Variants in ZNF423 observed in about 807,000 individuals in gnomAD.
ZNF423 encodes Ebf-associated zinc finger protein.
In ZNF423, 12 loss-of-function variants were observed where a neutral mutation model predicts 95.8. The ratio of observed to expected loss-of-function variants is 0.13; its 90% CI spans 0.08 to 0.20. ZNF423 has a LOEUF of 0.20. Among genes scored for constraint, ZNF423 ranks in the 10% least tolerant of loss-of-function variants. The probability of loss-of-function intolerance (pLI) is 1.00; values close to 1 mark genes in which losing one functional copy is unlikely to be tolerated. For missense variants in ZNF423, 1,316 were observed against 1,737.1 expected (o/e 0.76, Z 4.31); for synonymous variants, 749 against 711.9 (o/e 1.05, Z -0.83).
intron 1 of ZNF423, among the ~76,000 whole-genome samples, chr16:49,814,141 C>T (rs1184212272): frequency 6.6e-6 from 1 of 152,134 alleles, no homozygotes; most frequent in Non-Finnish European, 1.5e-5. Flanking sequence ...GCCGGGGCTT[C>T]GGAGACAGAA....
chr16:49,799,066 G>A (rs778234105), intron 1 of ZNF423, among the ~76,000 whole-genome samples: 3 of 152,176 alleles, frequency 2.0e-5, no homozygotes, highest in Non-Finnish European at 2.9e-5. Flanking sequence ...AAATGTAGGG[G>A]TGTGGGAAGT....
At chr16:49,522,375 C>T (rs1968435648) in intron 7 of ZNF423, among the ~76,000 whole-genome samples, 1 of 152,166 alleles carries the variant, frequency 6.6e-6, no homozygotes, top group South Asian at 2.1e-4. Context: ...CCTCCCTCTT[C>T]TCCCTGCCTC....
chr16:49,840,553 A>G (rs1217980583), intron 1 of ZNF423, among the ~76,000 whole-genome samples: 2 of 152,230 alleles, frequency 1.3e-5, no homozygotes, highest in East Asian at 3.8e-4. Context: ...TCTACCACCC[A>G]CTAGTATGTT....
At chr16:49,596,389 A>G (rs1046157059) in intron 5 of ZNF423, among the ~76,000 whole-genome samples, 4 of 152,180 alleles carry the variant, frequency 2.6e-5, no homozygotes, top group Admixed American at 6.5e-5. Flanking sequence ...AACAGCCCGC[A>G]GCTTCCTTCC....
chr16:49,680,227 T>C (rs977991424), intron 3 of ZNF423, among the ~76,000 whole-genome samples: 3 of 152,240 alleles, frequency 2.0e-5, no homozygotes, highest in African/African-American at 7.2e-5. Flanking sequence ...GCAGGTGTCC[T>C]CTCAGCTGAG....
intron 1 of ZNF423, among the ~76,000 whole-genome samples, chr16:49,803,544 C>G (rs1476860282): frequency 6.6e-6 from 1 of 152,090 alleles, no homozygotes; most frequent in Non-Finnish European, 1.5e-5. Flanking sequence ...CCTCCTTTAA[C>G]AAGCACTGAG....
At position 49,637,734 on chromosome 16, in the gene ZNF423, T is replaced by G. The variant is rs190632028; in HGVS notation, c.1442A>C (p.Gln481Pro). 30 of 1,614,170 alleles carry G rather than the reference T, an allele frequency of 1.9e-5. No homozygotes were observed. The highest frequency in any genetic ancestry group is 2.5e-5 in the Non-Finnish European group (29 of 1,180,042). The change falls in exon 4 of 8, where the codon CAG (glutamine) becomes CCG (proline). Residue 481 changes from glutamine to proline, a missense_variant. This residue lies in a region of ZNF423 where 399 missense variants were observed against 478.5 expected (regional missense o/e 0.83). Transcript: ENST00000563137. The surrounding 1 kb of genome is among the most constrained non-coding windows in gnomAD (Gnocchi z 5.6). ...LHKNHAYPVM[Q>P]FGNISAFHCN... ...GTGGAAGGCAGAGATGTTGCCAAAC[T>G]GCATCACAGGGTAGGCATGGTTCTT...
chr16:49,553,675 C>T (rs1420519254), intron 5 of ZNF423, among the ~76,000 whole-genome samples: 8 of 152,016 alleles, frequency 5.3e-5, no homozygotes. Flanking sequence ...GATATGGGGT[C>T]TCACTCTGTT....
chr16:49,856,582 G>T (rs1340622334), upstream of ZNF423, among the ~76,000 whole-genome samples: 1 of 151,630 alleles, frequency 6.6e-6, no homozygotes, highest in Non-Finnish European at 1.5e-5. Context: ...GGGGAGGCTC[G>T]AAACGGCCGC....
rs144545853 is a variant in ZNF423, at chr16:49,500,036, G to A, written c.3850-8732C>T. Reference sequence around the variant, plus strand: ...TTTGTGAGCAGAGAATTGGGTGAGCGGTGAGACTTTAGATAGCAGCCGTGC... The same window carrying A: ...TTTGTGAGCAGAGAATTGGGTGAGCAGTGAGACTTTAGATAGCAGCCGTGC... On this transcript the variant is annotated intron_variant, in intron 7 of 7. Transcript: ENST00000563137. Among the ~76,000 whole-genome samples, 68 of 152,260 alleles carry A rather than the reference G, an allele frequency of 4.5e-4. No individual in the cohort carries two copies. In the East Asian group the frequency reaches 0.012, roughly 28 times the overall value.
At chr16:49,830,540 C>T (rs892192484) in intron 1 of ZNF423, among the ~76,000 whole-genome samples, 3 of 152,102 alleles carry the variant, frequency 2.0e-5, no homozygotes, top group Non-Finnish European at 2.9e-5. Context: ...CAAGGGATGC[C>T]GTTGTCAACA....
intron 1 of ZNF423, among the ~76,000 whole-genome samples, chr16:49,791,984 C>T (rs1366859791): frequency 8.1e-6 from 1 of 123,166 alleles, no homozygotes; most frequent in Non-Finnish European, 1.6e-5. Context: ...CTGGGCACAA[C>T]AGAACGAGAC....
rs200335668 is a variant in ZNF423, at chr16:49,635,672, C to T, written c.3504G>A (p.Ser1168=). Reference sequence around the variant, plus strand: ...GGACTGCACTTACCCGGGGCACTGGCGATGTCTGGGTGCCTTTCCGGGGCC... The same window carrying T: ...GGACTGCACTTACCCGGGGCACTGGTGATGTCTGGGTGCCTTTCCGGGGCC... ...TSGPRKGTQT[S]PVPRKKTYQC... is the part of the protein sequence containing the mutation. The change falls in exon 4 of 8, where the codon TCG becomes TCA. Residue 1168 remains serine, a synonymous_variant. Transcript: ENST00000563137. The surrounding 1 kb of genome is among the most constrained non-coding windows in gnomAD (Gnocchi z 4.8). 5.8e-5 allele frequency: 92 copies of T among 1,574,620 alleles called. 1 individual carries two copies. The highest frequency in any genetic ancestry group is 2.6e-5 in the Non-Finnish European group (30 of 1,162,782).
At chr16:49,750,957 C>T (rs1353029823) in intron 2 of ZNF423, among the ~76,000 whole-genome samples, 1 of 152,094 alleles carries the variant, frequency 6.6e-6, no homozygotes, top group Non-Finnish European at 1.5e-5. Flanking sequence ...CAAGCGGAGG[C>T]CAGTGTGTCT....
At chr16:49,505,984 T>C (rs2151670452) in intron 7 of ZNF423, among the ~76,000 whole-genome samples, 1 of 152,346 alleles carries the variant, frequency 6.6e-6, no homozygotes, top group East Asian at 1.9e-4. Context: ...GTTTTCATAA[T>C]GCAAACCAAG....
intron 5 of ZNF423, among the ~76,000 whole-genome samples, chr16:49,529,764 C>T (rs1172864954): frequency 6.6e-6 from 1 of 152,104 alleles, no homozygotes. Context: ...ATTCGGAGGC[C>T]ATAATTTGCT....
Position 49,635,004 on chromosome 16 carries a change from GAATC to G in ZNF423, c.3516+652_3516+655del, listed in dbSNP as rs1301103853. On this transcript the variant is annotated intron_variant, in intron 4 of 7. Coordinates refer to ENST00000563137, the MANE Select transcript of ZNF423 (RefSeq NM_001379286.1). The surrounding 1 kb of genome is among the most constrained non-coding windows in gnomAD (Gnocchi z 4.8). ...GATGAACAGGGAAAATTTGATGAAC[GAATC>G]AATCAGTCATTAACAATAACAGCAA... Among the ~76,000 whole-genome samples, 1 of 152,168 alleles carries G rather than the reference GAATC, an allele frequency of 6.6e-6. No homozygotes were observed. The highest frequency in any genetic ancestry group is 2.4e-5 in the African/African-American group (1 of 41,418).
chr16:49,498,165 T>C (rs549829150), intron 7 of ZNF423, among the ~76,000 whole-genome samples: 22 of 152,170 alleles, frequency 1.4e-4, no homozygotes, highest in Non-Finnish European at 2.9e-4. Context: ...ACACCATTCT[T>C]AACCTCCACC....
chr16:49,619,198 T>A (rs991175460), intron 5 of ZNF423, among the ~76,000 whole-genome samples: 6 of 152,158 alleles, frequency 3.9e-5, no homozygotes, highest in Non-Finnish European at 7.4e-5. Context: ...AGCTCCCTTA[T>A]CTTAGACTTG....
Sources: gnomAD v4.1 joint callset for allele counts (sites outside exome capture counted in the v4.1 genomes callset) on GRCh38, gnomAD v4.1.1 for gene constraint, gnomAD v4.1.1 regional missense constraint, Gnocchi (gnomAD v3.1) non-coding constraint, MANE v1.5 for transcripts, NCBI Gene and HGNC (gene_info 2026-07-23, HGNC 2026-07-21) for gene names.